UBE2E3: variants seen among roughly 807,000 people sequenced by gnomAD.
UBE2E3 encodes the protein ubiquitin-conjugating enzyme E2 E3.
UBE2E3 carries 5 observed loss-of-function variants against 23.6 expected under a neutral mutation model. The observed-to-expected ratio is 0.21, with a 90% confidence interval of 0.11 to 0.44. The LOEUF is 0.44. Ranked by LOEUF, UBE2E3 falls within the 20% of genes least tolerant of loss-of-function variation. The probability of loss-of-function intolerance (pLI) is 0.99; values close to 1 mark genes in which losing one functional copy is unlikely to be tolerated. For missense variants in UBE2E3, 81 were observed against 249.8 expected, an observed-to-expected ratio of 0.32 and a Z score of 4.55; for synonymous variants, 78 against 87.5, an observed-to-expected ratio of 0.89 and a Z score of 0.60.
intron 3 of UBE2E3, among the ~76,000 whole-genome samples, chr2:181,047,744 C>T (rs987017203): frequency 1.3e-5 from 2 of 152,124 alleles, no homozygotes; most frequent in East Asian, 3.9e-4. Flanking sequence ...CAGTGGTCCA[C>T]CCACAGCCCC....
chr2:181,008,478 A>G (rs1685217925), intron 3 of UBE2E3, among the ~76,000 whole-genome samples: 1 of 152,188 alleles, frequency 6.6e-6, no homozygotes, highest in Non-Finnish European at 1.5e-5. Context: ...ATTGTTCTTA[A>G]AGTGGTCATA....
intron 3 of UBE2E3, among the ~76,000 whole-genome samples, chr2:181,056,244 T>C (rs1443304855): frequency 2.0e-5 from 3 of 151,800 alleles, no homozygotes; most frequent in East Asian, 1.9e-4. Context: ...CCAGTAATAC[T>C]TCTGTACATA....
At chr2:181,049,732 G>A (rs183451062) in intron 3 of UBE2E3, among the ~76,000 whole-genome samples, 94 of 151,918 alleles carry the variant, frequency 6.2e-4, no homozygotes, top group Admixed American at 1.3e-3. Flanking sequence ...TACTTCATCA[G>A]TCTTTTTATA....
In UBE2E3 at chr2:181,020,276, G is replaced by A. The variant is rs1221722098; in HGVS notation, c.245+36183G>A. On this transcript the variant is annotated intron_variant, in intron 3 of 5. Transcript: ENST00000410062. ...GCCTCTATTAGCTTGTGTTTTTGAC[G>A]TCACTCTACCTCCATTGTCACATGG... 2.0e-5 allele frequency among the ~76,000 whole-genome samples: 3 copies of A among 152,062 alleles called. 1 individual carries two copies. Among genetic ancestry groups the A allele is most frequent in the East Asian group, 3.9e-4 (2 of 5,192 alleles).
At chr2:181,004,602 C>T (rs1231046821) in intron 3 of UBE2E3, among the ~76,000 whole-genome samples, 1 of 151,588 alleles carries the variant, frequency 6.6e-6, no homozygotes, top group Non-Finnish European at 1.5e-5. Context: ...CACCGCACCC[C>T]AGTCTGGCGA....
chr2:181,006,651 A>T (rs1381231858), intron 3 of UBE2E3, among the ~76,000 whole-genome samples: 2 of 151,284 alleles, frequency 1.3e-5, no homozygotes, highest in Admixed American at 1.3e-4. Flanking sequence ...TGATTTTGAG[A>T]TAATTATAGA....
At chr2:181,001,032 G>A (rs1219846178) in intron 3 of UBE2E3, among the ~76,000 whole-genome samples, 2 of 152,204 alleles carry the variant, frequency 1.3e-5, no homozygotes, top group Non-Finnish European at 2.9e-5. Flanking sequence ...TTACTGTGAT[G>A]AGATGGAGAA....
chr2:181,050,351 C>T (rs1686806890), intron 3 of UBE2E3, among the ~76,000 whole-genome samples: 1 of 151,884 alleles, frequency 6.6e-6, no homozygotes, highest in South Asian at 2.1e-4. Flanking sequence ...TCCCCACATC[C>T]TAAGTGCTAA....
At chr2:181,037,917 A>G (rs1035427245) in intron 3 of UBE2E3, among the ~76,000 whole-genome samples, 1 of 152,244 alleles carries the variant, frequency 6.6e-6, no homozygotes, top group Non-Finnish European at 1.5e-5. Flanking sequence ...GCAGTGAACT[A>G]TGATCATACC....
chr2:180,981,189 G>A (rs1574149061), intron 1 of UBE2E3: 1 of 149,884 alleles, frequency 6.7e-6, no homozygotes, highest in African/African-American at 2.4e-5. Context: ...ACAAAGGGCC[G>A]CGGAGCTGCG....
intron 3 of UBE2E3, among the ~76,000 whole-genome samples, chr2:180,995,366 G>T (rs1684792910): frequency 6.6e-6 from 1 of 152,106 alleles, no homozygotes; most frequent in Admixed American, 6.6e-5. Flanking sequence ...GATAAATACA[G>T]TATAGTACTG....
intron 3 of UBE2E3, among the ~76,000 whole-genome samples, chr2:181,003,319 A>G (rs1685042562): frequency 6.6e-6 from 1 of 152,226 alleles, no homozygotes; most frequent in South Asian, 2.1e-4. Context: ...GCTTTATCAC[A>G]TTATAGACAA....
At chr2:180,988,215 C>CA (rs1684540061) in intron 3 of UBE2E3, among the ~76,000 whole-genome samples, 1 of 152,078 alleles carries the variant, frequency 6.6e-6, no homozygotes, top group East Asian at 1.9e-4. Flanking sequence ...ACAGTGTAGC[C>CA]TGTAGTGATG....
chr2:181,004,523 C>T (rs1418469810), intron 3 of UBE2E3, among the ~76,000 whole-genome samples: 6 of 152,060 alleles, frequency 3.9e-5, no homozygotes, highest in Non-Finnish European at 8.8e-5. Flanking sequence ...GTCTCAGCTA[C>T]TCGGGAGGCT....
chr2:181,042,037 T>A (rs535717619), intron 3 of UBE2E3, among the ~76,000 whole-genome samples: 27 of 152,222 alleles, frequency 1.8e-4, no homozygotes, highest in Middle Eastern at 3.2e-3. Flanking sequence ...AACTAAGAAA[T>A]TAATATTGGT....
At chr2:181,053,691 A>G (rs576462860) in intron 3 of UBE2E3, among the ~76,000 whole-genome samples, 24 of 151,836 alleles carry the variant, frequency 1.6e-4, no homozygotes, top group Non-Finnish European at 2.9e-4. Flanking sequence ...ATAAACCTAC[A>G]TTAACACATC....
chr2:180,990,186 G>C (rs546006790), intron 3 of UBE2E3: 15 of 524,466 alleles, frequency 2.9e-5, no homozygotes, highest in African/African-American at 2.8e-4. Context: ...CACCAGGCTA[G>C]GCGACAATTG....
chr2:180,994,358 C>G (rs1270524488), intron 3 of UBE2E3, among the ~76,000 whole-genome samples: 1 of 152,164 alleles, frequency 6.6e-6, no homozygotes, highest in Non-Finnish European at 1.5e-5. Flanking sequence ...GTTACCTAAT[C>G]ATGGCTAATC....
chr2:181,007,696 A>G (rs1401126), intron 3 of UBE2E3, among the ~76,000 whole-genome samples: 35,318 of 152,012 alleles, frequency 0.23, 4,477 homozygotes, highest in Non-Finnish European at 0.28. Context: ...AGGGGGCCCA[A>G]CAGTGAATGG....
Sources: allele counts gnomAD v4.1 joint callset (sites outside exome capture counted in the v4.1 genomes callset), GRCh38; gene constraint gnomAD v4.1.1; transcripts MANE v1.5; gene names NCBI Gene and HGNC (gene_info 2026-07-23, HGNC 2026-07-21).